SSBP2: variants seen among roughly 807,000 people sequenced by gnomAD.
SSBP2 encodes single-stranded DNA-binding protein 2.
In SSBP2, 17 loss-of-function variants were observed where a neutral mutation model predicts 61.8. The observed-to-expected ratio is 0.28, with a 90% CI of 0.19 to 0.41. The LOEUF (loss-of-function observed/expected upper bound fraction) is 0.41, where lower values mean the gene tolerates loss of function less well. Ranked by LOEUF, SSBP2 falls within the 10% of genes least tolerant of loss-of-function variation. SSBP2 has a pLI of 1.00. For synonymous variants in SSBP2, 139 were observed against 141.3 expected, an observed-to-expected ratio of 0.98 and a Z score of 0.12; for missense variants, 310 against 458.7, an observed-to-expected ratio of 0.68 and a Z score of 2.96.
chr5:81,616,052 G>T (rs1242175201), intron 3 of SSBP2: 1 of 152,928 alleles, frequency 6.5e-6, no homozygotes, highest in Admixed American at 6.5e-5. Flanking sequence ...TTTCCCCACA[G>T]TTACCAAAAT....
At chr5:81,559,064 G>A (rs1433101287) in intron 4 of SSBP2, among the ~76,000 whole-genome samples, 1 of 152,048 alleles carries the variant, frequency 6.6e-6, no homozygotes, top group Non-Finnish European at 1.5e-5. Context: ...GGCCAGTCTG[G>A]CCAACATGGC....
At chr5:81,606,527 A>G (rs1428393495) in intron 4 of SSBP2, among the ~76,000 whole-genome samples, 1 of 152,204 alleles carries the variant, frequency 6.6e-6, no homozygotes, top group Admixed American at 6.5e-5. Flanking sequence ...ATATATTCTA[A>G]ATCATTCTTA....
chr5:81,613,407 T>C (rs917785873), intron 4 of SSBP2, among the ~76,000 whole-genome samples: 1 of 152,198 alleles, frequency 6.6e-6, no homozygotes. Flanking sequence ...CTAAAGCTAA[T>C]AAGTGTGAAT....
intron 3 of SSBP2, among the ~76,000 whole-genome samples, chr5:81,619,545 T>C (rs1418004015): frequency 6.8e-6 from 1 of 148,102 alleles, no homozygotes; most frequent in Non-Finnish European, 1.5e-5. Context: ...ACTGGTACCA[T>C]TCCTTCTGAA....
chr5:81,591,421 CCA>C (rs1775489942), intron 4 of SSBP2, among the ~76,000 whole-genome samples: 1 of 152,084 alleles, frequency 6.6e-6, no homozygotes, highest in Non-Finnish European at 1.5e-5. Context: ...GAAACAAAAA[CCA>C]CACACTGTCA....
intron 4 of SSBP2, among the ~76,000 whole-genome samples, chr5:81,537,381 G>T (rs987928756): frequency 2.6e-5 from 4 of 152,006 alleles, no homozygotes; most frequent in South Asian, 2.1e-4. Flanking sequence ...GCCACAGGTG[G>T]CATCCTTAAC....
chr5:81,420,468 C>CT lies in SSBP2; in HGVS notation c.*35dup. 6.2e-7 allele frequency: 1 copy of CT among 1,603,348 alleles called. No homozygotes were observed. Among genetic ancestry groups the CT allele is most frequent in the South Asian group, 1.1e-5 (1 of 90,854 alleles). ...CCGTAGTAGTTCTGTGAAGGGCTGA[C>CT]TCACTGTGGTTTTCATGAGGAGACT... On this transcript the variant is annotated 3_prime_UTR_variant, in exon 17 of 17. Transcript: ENST00000320672.
chr5:81,584,793 A>G (rs1470897783), intron 4 of SSBP2, among the ~76,000 whole-genome samples: 1 of 152,172 alleles, frequency 6.6e-6, no homozygotes, highest in African/African-American at 2.4e-5. Flanking sequence ...GAAATTCTAC[A>G]CAAGATAAAA....
chr5:81,733,321 A>G (rs1292427440), intron 1 of SSBP2, among the ~76,000 whole-genome samples: 1 of 152,178 alleles, frequency 6.6e-6, no homozygotes, highest in Non-Finnish European at 1.5e-5. Context: ...AAACAAATAT[A>G]GAGGGAAAAG....
intron 1 of SSBP2, among the ~76,000 whole-genome samples, chr5:81,653,638 T>C (rs1749952689): frequency 6.6e-6 from 1 of 152,194 alleles, no homozygotes; most frequent in African/African-American, 2.4e-5. Context: ...ATGATCACCA[T>C]TCTAACTGGC....
At chr5:81,749,996 T>G (rs1757616947) in intron 1 of SSBP2, among the ~76,000 whole-genome samples, 1 of 149,920 alleles carries the variant, frequency 6.7e-6, no homozygotes, top group African/African-American at 2.5e-5. Context: ...CCCCGGCGGC[T>G]CCCACAACTC....
At chr5:81,430,224 T>C (rs1762200899) in intron 15 of SSBP2, among the ~76,000 whole-genome samples, 1 of 152,184 alleles carries the variant, frequency 6.6e-6, no homozygotes, top group Non-Finnish European at 1.5e-5. Flanking sequence ...ATAAAAAATA[T>C]TGTAAGATTT....
chr5:81,449,747 TTTAATA>T (rs1763644427), intron 10 of SSBP2, among the ~76,000 whole-genome samples: 1 of 152,154 alleles, frequency 6.6e-6, no homozygotes, highest in South Asian at 2.1e-4. Context: ...TTTGGAAATA[TTTAATA>T]TTAAGTTATT....
At chr5:81,437,534 TAAGTG>T (rs1458265095) in intron 14 of SSBP2, 76 bp from the exon 15 acceptor site, 6 of 1,275,982 alleles carry the variant, frequency 4.7e-6, no homozygotes, top group East Asian at 2.3e-5. Context: ...TTAATTTAAA[TAAGTG>T]AAGTATACTA....
rs76236316 is a variant in SSBP2 at position 81,537,528 on chromosome 5, T to C, written c.283-23811A>G. 6.1e-3 allele frequency among the ~76,000 whole-genome samples: 923 copies of C among 152,272 alleles called. 8 individuals are homozygous for C. Among genetic ancestry groups the C allele is most frequent in the African/African-American group, 0.021 (863 of 41,564 alleles). ...CACTTCACAGATATTGTGGTTGTTT[T>C]TGTTATTGTTTGTTTTTACAAATTC... On this transcript the variant is annotated intron_variant, in intron 4 of 16. Transcript: ENST00000320672.
chr5:81,683,496 A>G (rs1387748407), intron 1 of SSBP2, among the ~76,000 whole-genome samples: 3 of 152,224 alleles, frequency 2.0e-5, no homozygotes, highest in South Asian at 2.1e-4. Flanking sequence ...AATGGATCAT[A>G]TACCTAAATG....
chr5:81,674,557 A>G (rs919566801), intron 1 of SSBP2, among the ~76,000 whole-genome samples: 5 of 152,242 alleles, frequency 3.3e-5, no homozygotes, highest in Admixed American at 1.3e-4. Context: ...GTATATCAGT[A>G]TAAAACTTTT....
intron 4 of SSBP2, among the ~76,000 whole-genome samples, chr5:81,604,074 A>G (rs1744640108): frequency 6.6e-6 from 1 of 152,130 alleles, no homozygotes. Context: ...TTAGAAAAAT[A>G]CAGGCAAGTG....
At chr5:81,500,152 C>T (rs1341939370) in intron 5 of SSBP2, among the ~76,000 whole-genome samples, 3 of 152,142 alleles carry the variant, frequency 2.0e-5, no homozygotes, top group Admixed American at 6.5e-5. Context: ...ATACTTAAAG[C>T]CACTCAACTC....
Sources: allele counts gnomAD v4.1 joint callset (sites outside exome capture counted in the v4.1 genomes callset), GRCh38; gene constraint gnomAD v4.1.1; transcripts MANE v1.5; gene names NCBI Gene and HGNC (gene_info 2026-07-23, HGNC 2026-07-21).